OR51E2: variants seen among roughly 807,000 people sequenced by gnomAD.
The protein encoded by OR51E2 is olfactory receptor family 51 subfamily E member 2.
Under a neutral mutation model 13.7 loss-of-function variants are expected in OR51E2, and 14 were observed. The ratio of observed to expected loss-of-function variants is 1.02; its 90% CI spans 0.68 to 1.60. The LOEUF (loss-of-function observed/expected upper bound fraction) is 1.60, where lower values mean the gene tolerates loss of function less well. Ranked by LOEUF, OR51E2 falls within the 40% of genes most tolerant of loss-of-function variation. The pLI, the probability that OR51E2 is intolerant of heterozygous loss-of-function variation, is 0.00. For synonymous variants in OR51E2, 180 were observed against 157.6 expected (o/e 1.14, Z -1.07); for missense variants, 483 against 413.8 (o/e 1.17, Z -1.45).
chr11:4,687,216 G>T (rs975811879), intron 1 of OR51E2, among the ~76,000 whole-genome samples: 7 of 152,088 alleles, frequency 4.6e-5, no homozygotes, highest in African/African-American at 1.4e-4. Context: ...GTGAGTTATA[G>T]ATATGAAAAG....
At position 4,692,506 on chromosome 11, in the gene OR51E2, T is replaced by C. The variant is rs373640333; in HGVS notation, c.-51+5147A>G. 3.9e-4 allele frequency among the ~76,000 whole-genome samples: 60 copies of C among 152,372 alleles called. No individual in the cohort carries two copies. In the South Asian group the frequency reaches 0.011, roughly 28 times the overall value. On this transcript the variant is annotated intron_variant, in intron 1 of 1. Coordinates refer to ENST00000396950, the MANE Select transcript of OR51E2 (RefSeq NM_030774.4). ...GACATACTTCTTAGGAGATACCTAA[T>C]TGAATGTTACTGTTTTGTTTCGGAG... is the stretch of plus-strand genomic sequence containing the variant.
At position 4,682,271 on chromosome 11, in the gene OR51E2, A is replaced by G. The variant is rs778750759; in HGVS notation, c.441T>C (p.Ala147=). ...AAAAAAAGAGGGATCCGCGGACCAC[A>G]GCCACGATGCCAATCTGGGCTGTTA... is the stretch of plus-strand genomic sequence containing the variant. ...NTVTAQIGIV[A]VVRGSLFFFP... The change falls in exon 2 of 2, where the codon GCT becomes GCC. Residue 147 remains alanine (A), a synonymous_variant. Transcript: ENST00000396950. 6 of 1,614,212 alleles carry G rather than the reference A, an allele frequency of 3.7e-6. No individual in the cohort carries two copies. The Admixed American group carries it at 8.3e-5, about 22-fold the overall frequency.
rs1398584229 is a variant in OR51E2 at position 4,682,318 on chromosome 11, C to A, written c.394G>T (p.Ala132Ser). The change falls in exon 2 of 2, where the codon GCT (alanine) becomes TCT (serine). Residue 132 changes from alanine (A) to serine (S), a missense_variant. Ala to Ser is a moderately conservative substitution (Grantham distance 99). Coordinates refer to ENST00000396950, the MANE Select transcript of OR51E2 (RefSeq NM_030774.4). ...YVAICHPLRH[A>S]AVLNNTVTAQ... ...GTTACTGTATTGTTGAGCACTGCAG[C>A]ATGGCGCAGTGGGTGGCAGATGGCC... 6.2e-7 allele frequency: 1 copy of A among 1,614,174 alleles called. No individual in the cohort carries two copies. The highest frequency in any genetic ancestry group is 1.6e-4 in the Middle Eastern group (1 of 6,062).
chr11:4,682,754 C>A lies in OR51E2; in HGVS notation c.-43G>T. ...GGTGACTGGAGAGGGTGAGGTCACA[C>A]TGGCAGTCTGCAGGGACATAGAGCA... On this transcript the variant is annotated 5_prime_UTR_variant, in exon 2 of 2. Coordinates refer to ENST00000396950, the MANE Select transcript of OR51E2 (RefSeq NM_030774.4). 1 of 1,587,638 alleles carries A rather than the reference C, an allele frequency of 6.3e-7. No homozygotes were observed.
chr11:4,683,357 C>G (rs1847479935), intron 1 of OR51E2, among the ~76,000 whole-genome samples: 1 of 152,098 alleles, frequency 6.6e-6, no homozygotes. Flanking sequence ...GTCCTCAATT[C>G]TAAAGTCAGC....
chr11:4,687,594 A>G (rs960694357), intron 1 of OR51E2, among the ~76,000 whole-genome samples: 1 of 152,198 alleles, frequency 6.6e-6, no homozygotes, highest in African/African-American at 2.4e-5. Context: ...TACACATCAA[A>G]GATAGTATTT....
intron 1 of OR51E2, among the ~76,000 whole-genome samples, chr11:4,691,924 C>T (rs1393370981): frequency 1.3e-5 from 2 of 152,048 alleles, no homozygotes; most frequent in Admixed American, 1.3e-4. Flanking sequence ...AGTGTACAAT[C>T]TTTCTTCTCT....
At chr11:4,688,724 C>T (rs1847543114) in intron 1 of OR51E2, among the ~76,000 whole-genome samples, 2 of 152,138 alleles carry the variant, frequency 1.3e-5, no homozygotes, top group Admixed American at 1.3e-4. Context: ...TGGCTTGCAT[C>T]ACAGTGGTAG....
chr11:4,691,130 GC>G (rs1847572844), intron 1 of OR51E2: 2 of 456,644 alleles, frequency 4.4e-6, no homozygotes. Context: ...TGGTGTCTGT[GC>G]ATGAGAGCTT....
Position 4,682,096 on chromosome 11 carries a change from T to A in OR51E2, c.616A>T (p.Met206Leu). The A allele has an allele frequency of 6.2e-7, 1 of 1,614,182 alleles. No individual in the cohort carries two copies. Among genetic ancestry groups the A allele is most frequent in the Non-Finnish European group, 8.5e-7 (1 of 1,180,036 alleles). Residue 206 changes from methionine to leucine, a missense_variant, in exon 2 of 2, where the codon ATG becomes TTG. Physicochemically the swap from Met to Leu is conservative, Grantham distance 15. Coordinates refer to ENST00000396950, the MANE Select transcript of OR51E2 (RefSeq NM_030774.4). ...GAGATGAACATTACGTCCACGCCCA[T>A]GACCAGCAGAATGGCAGTAAGACCA... Reference protein sequence around the residue: ...VYGLTAILLVMGVDVMFISLS... With the variant: ...VYGLTAILLVLGVDVMFISLS...
intron 1 of OR51E2, chr11:4,690,832 G>A (rs779285565): frequency 2.2e-6 from 1 of 454,168 alleles, no homozygotes; most frequent in Non-Finnish European, 4.4e-6. Flanking sequence ...TAGATGACAG[G>A]GTTCATCAAA....
At chr11:4,694,161 CAT>C (rs1847622773) in intron 1 of OR51E2, among the ~76,000 whole-genome samples, 1 of 152,132 alleles carries the variant, frequency 6.6e-6, no homozygotes, top group Admixed American at 6.5e-5. Flanking sequence ...CCCATTACCT[CAT>C]TTCAACAATT....
intron 1 of OR51E2, among the ~76,000 whole-genome samples, chr11:4,686,700 C>T (rs1847518814): frequency 6.6e-6 from 1 of 152,198 alleles, no homozygotes; most frequent in Non-Finnish European, 1.5e-5. Flanking sequence ...CCTCTTATTT[C>T]CATCTTCACC....
chr11:4,686,323 T>C (rs1847515180), intron 1 of OR51E2, among the ~76,000 whole-genome samples: 1 of 152,108 alleles, frequency 6.6e-6, no homozygotes, highest in Non-Finnish European at 1.5e-5. Context: ...AGAAACAGAA[T>C]TTTCTATAGA....
intron 1 of OR51E2, chr11:4,692,027 C>T: frequency 2.9e-6 from 1 of 343,614 alleles, no homozygotes; most frequent in Non-Finnish European, 5.8e-6. Context: ...AACACTTTAC[C>T]CTGAGTTTGC....
intron 1 of OR51E2, among the ~76,000 whole-genome samples, chr11:4,686,384 G>C (rs2133247298): frequency 6.6e-6 from 1 of 152,332 alleles, no homozygotes; most frequent in Non-Finnish European, 1.5e-5. Context: ...AACCAAAAAG[G>C]AAAGAGAAAC....
Position 4,681,599 on chromosome 11 carries a change from AGTCCT to A in OR51E2, c.*145_*149del. 1 of 755,760 alleles carries A rather than the reference AGTCCT, an allele frequency of 1.3e-6. No individual in the cohort carries two copies. Among genetic ancestry groups the A allele is most frequent in the East Asian group, 2.6e-5 (1 of 37,854 alleles). The allele number at this position is 755,760 out of a possible 1,614,324, so 46.8% of individuals were successfully genotyped here. A position where few individuals can be genotyped will look rare whatever the true frequency, so the allele number is the denominator to read the frequency against. On this transcript the variant is annotated 3_prime_UTR_variant, in exon 2 of 2. Coordinates refer to ENST00000396950, the MANE Select transcript of OR51E2 (RefSeq NM_030774.4). ...ATTAGTATGTATTATTCCACATAAT[AGTCCT>A]TTAGGTAGATGTACCATACTTTAGT...
rs545735438 is a variant in OR51E2, at chr11:4,682,386, A to G, written c.326T>C (p.Ile109Thr). ...QMFFIHALSA[I>T]ESTILLAMAF... ...CATGGCCAGCAGGATGGTGGATTCA[A>G]TGGCTGAGAGGGCATGAATAAAGAA... The change falls in exon 2 of 2, where the codon ATT (isoleucine) becomes ACT (threonine). Residue 109 changes from isoleucine (I) to threonine (T), a missense_variant. Ile to Thr is a moderately conservative substitution (Grantham distance 89). Transcript: ENST00000396950. 1.2e-5 allele frequency: 19 copies of G among 1,614,198 alleles called. No homozygotes were observed. The highest frequency in any genetic ancestry group is 3.3e-5 in the South Asian group (3 of 91,082).
intron 1 of OR51E2, among the ~76,000 whole-genome samples, chr11:4,689,925 T>C (rs1847557168): frequency 6.7e-6 from 1 of 150,128 alleles, no homozygotes; most frequent in Non-Finnish European, 1.5e-5. Context: ...TTTACTTCTT[T>C]ATGTTTCCTA....
Sources: gnomAD v4.1 joint callset for allele counts (sites outside exome capture counted in the v4.1 genomes callset) on GRCh38, gnomAD v4.1.1 for gene constraint, MANE v1.5 for transcripts, NCBI Gene and HGNC (gene_info 2026-07-23, HGNC 2026-07-21) for gene names.